The following SEM1 variants were observed in gnomAD, a reference collection of about 807,000 sequenced individuals.
SEM1 encodes 26S proteasome complex subunit SEM1.
In SEM1, 3 loss-of-function variants were observed where a neutral mutation model predicts 12.7. The ratio of observed to expected loss-of-function variants is 0.24; its 90% CI spans 0.11 to 0.61. SEM1 has a LOEUF of 0.61. Ranked by LOEUF, SEM1 falls within the 20% of genes least tolerant of loss-of-function variation. The pLI, the probability that SEM1 is intolerant of heterozygous loss-of-function variation, is 0.88. For missense variants in SEM1, 59 were observed against 81.3 expected (o/e 0.73, Z 1.06); for synonymous variants, 30 against 27.8 (o/e 1.08, Z -0.25).
intron 2 of SEM1, among the ~76,000 whole-genome samples, chr7:96,658,526 G>A (rs1584841512): frequency 1.3e-5 from 2 of 152,172 alleles, no homozygotes; most frequent in Non-Finnish European, 2.9e-5. Context: ...AAGAGTGCAA[G>A]TAGAAGGAAA....
intron 2 of SEM1, among the ~76,000 whole-genome samples, chr7:96,608,093 T>A (rs1430835625): frequency 6.6e-6 from 1 of 152,008 alleles, no homozygotes; most frequent in Non-Finnish European, 1.5e-5. Context: ...GCCCTTAGCA[T>A]CGTCTGGAAG....
intron 2 of SEM1, among the ~76,000 whole-genome samples, chr7:96,511,667 A>T (rs1284703601): frequency 2.6e-5 from 4 of 152,198 alleles, no homozygotes; most frequent in African/African-American, 9.6e-5. Flanking sequence ...AATTACAACC[A>T]GAGGATACCC....
At chr7:96,608,271 C>T (rs1005927978) in intron 2 of SEM1, among the ~76,000 whole-genome samples, 1 of 152,130 alleles carries the variant, frequency 6.6e-6, no homozygotes, top group Non-Finnish European at 1.5e-5. Flanking sequence ...AGTACCCCAC[C>T]AGGGAGACTG....
chr7:96,540,249 T>C (rs1223977048), intron 2 of SEM1, among the ~76,000 whole-genome samples: 3 of 151,602 alleles, frequency 2.0e-5, no homozygotes, highest in Admixed American at 6.6e-5. Context: ...TTAGGCTGCA[T>C]TTGAGTGTTG....
At position 96,709,669 on chromosome 7, in the gene SEM1, A is replaced by G; in HGVS notation, c.76+19T>C. 1 of 1,612,180 alleles carries G rather than the reference A, an allele frequency of 6.2e-7. No homozygotes were observed. Among genetic ancestry groups the G allele is most frequent in the South Asian group, 1.1e-5 (1 of 90,984 alleles). On this transcript the variant is annotated intron_variant, in intron 1 of 2. Coordinates refer to ENST00000248566, the MANE Select transcript of SEM1 (RefSeq NM_006304.2). The stretch of plus-strand genomic sequence containing the variant: ...GAGTCACCGTTCGCGCGACACAGAA[A>G]CCGGGGCCCAGCGGTTACCTTCGGC...
At chr7:96,537,885 A>T (rs1375187474) in intron 2 of SEM1, among the ~76,000 whole-genome samples, 2 of 151,584 alleles carry the variant, frequency 1.3e-5, no homozygotes, top group Non-Finnish European at 2.9e-5. Flanking sequence ...CCTGTCCTCA[A>T]TTTCTTCTGC....
At chr7:96,496,196 G>T in intron 1 of SEM1, 1 of 786,212 alleles carries the variant, frequency 1.3e-6, no homozygotes, top group Non-Finnish European at 2.0e-6. Flanking sequence ...TAAAATCATC[G>T]TCATAGTACA....
intron 2 of SEM1, among the ~76,000 whole-genome samples, chr7:96,660,134 A>T (rs749069017): frequency 6.6e-6 from 1 of 152,150 alleles, no homozygotes; most frequent in Non-Finnish European, 1.5e-5. Flanking sequence ...TAATAAAAAT[A>T]GAGCTGAGAT....
At chr7:96,582,596 T>C (rs1326085154) in intron 2 of SEM1, among the ~76,000 whole-genome samples, 2 of 152,242 alleles carry the variant, frequency 1.3e-5, no homozygotes, top group Non-Finnish European at 2.9e-5. Flanking sequence ...TGAATCTGTC[T>C]GGTCCTAGAC....
rs535116516 is a variant in SEM1 at position 96,567,849 on chromosome 7, G to A, written c.171-61151C>T. Among the ~76,000 whole-genome samples the A allele has an allele frequency of 6.6e-5, 10 of 151,038 alleles. No homozygotes were observed. The South Asian group carries it at 2.1e-3, about 32-fold the overall frequency. The stretch of plus-strand genomic sequence containing the variant: ...CTTGGTTATGATGTATTCTTTTAAA[G>A]CAATGTTGGATTCTGTTGGCTAATA... On this transcript the variant is annotated intron_variant and NMD_transcript_variant, in intron 2 of 3. Coordinates refer to the SEM1 transcript ENST00000466986.
At chr7:96,707,841 T>TAG (rs1790519374) in intron 1 of SEM1, among the ~76,000 whole-genome samples, 1 of 152,212 alleles carries the variant, frequency 6.6e-6, no homozygotes, top group South Asian at 2.1e-4. Context: ...AACTACTCAT[T>TAG]TTAAATGCGG....
At chr7:96,665,817 T>C (rs753298579) in intron 2 of SEM1, among the ~76,000 whole-genome samples, 2 of 152,134 alleles carry the variant, frequency 1.3e-5, no homozygotes, top group Non-Finnish European at 2.9e-5. Context: ...ACAACTAAGG[T>C]TGAGCTGACA....
At chr7:96,486,985 C>A (rs1027009232) in intron 1 of SEM1, among the ~76,000 whole-genome samples, 1 of 152,122 alleles carries the variant, frequency 6.6e-6, no homozygotes, top group African/African-American at 2.4e-5. Context: ...ATTCAACAGG[C>A]AGAATTTAGC....
At chr7:96,546,123 A>C (rs1410071086) in intron 2 of SEM1, among the ~76,000 whole-genome samples, 1 of 152,068 alleles carries the variant, frequency 6.6e-6, no homozygotes, top group East Asian at 1.9e-4. Context: ...AAACCTGCCA[A>C]TCATGTTGAA....
At position 96,526,555 on chromosome 7, in the gene SEM1, G is replaced by A. The variant is rs977131259; in HGVS notation, c.171-19857C>T. 3.3e-5 allele frequency among the ~76,000 whole-genome samples: 5 copies of A among 152,094 alleles called. 1 individual carries two copies. On this transcript the variant is annotated intron_variant and NMD_transcript_variant, in intron 2 of 3. Coordinates refer to the SEM1 transcript ENST00000466986. ...CTTCCTTTGACTCAGACCAGGCTGA[G>A]TATCCTAGGAAAAGGCAGGGAAAGC...
rs75732569 is a variant in SEM1 at position 96,516,413 on chromosome 7, T to G, written c.171-9715A>C. Among the ~76,000 whole-genome samples the G allele has an allele frequency of 3.6e-3, 547 of 152,254 alleles. 5 individuals carry two copies. Among genetic ancestry groups the G allele is most frequent in the African/African-American group, 0.013 (529 of 41,556 alleles). ...TCAGAAAACAACCTAATTTAAAAAA[T>G]GGGCCAAAGACCTAAACAGACAACT... On this transcript the variant is annotated intron_variant and NMD_transcript_variant, in intron 2 of 3. Transcript: ENST00000466986.
intron 2 of SEM1, among the ~76,000 whole-genome samples, chr7:96,647,871 G>C (rs1237167345): frequency 6.6e-6 from 1 of 152,164 alleles, no homozygotes; most frequent in Admixed American, 6.5e-5. Flanking sequence ...TTAGCACTTT[G>C]TAAAACACGC....
chr7:96,600,310 T>A (rs1807158376), intron 2 of SEM1, among the ~76,000 whole-genome samples: 1 of 152,100 alleles, frequency 6.6e-6, no homozygotes, highest in Non-Finnish European at 1.5e-5. Context: ...GAGAACAGAC[T>A]CCAGAATTTA....
chr7:96,485,173 G>A (rs1379837805), intron 2 of SEM1, among the ~76,000 whole-genome samples: 1 of 152,088 alleles, frequency 6.6e-6, no homozygotes, highest in African/African-American at 2.4e-5. Context: ...TTAAGTCTAG[G>A]CAAAATTTTT....
Sources: allele counts gnomAD v4.1 joint callset (sites outside exome capture counted in the v4.1 genomes callset), GRCh38; gene constraint gnomAD v4.1.1; transcripts MANE v1.5; gene names NCBI Gene and HGNC (gene_info 2026-07-23, HGNC 2026-07-21).